TMEM87A: variants seen among roughly 807,000 people sequenced by gnomAD.
The protein encoded by TMEM87A is transmembrane protein 87A.
TMEM87A carries 50 observed loss-of-function variants against 90.0 expected under a neutral mutation model. The observed-to-expected ratio is 0.56, with a 90% CI of 0.44 to 0.70. The LOEUF (loss-of-function observed/expected upper bound fraction) is 0.70. TMEM87A is among the 30% of genes least tolerant of loss of function. The pLI is 0.00. For missense variants in TMEM87A, 577 were observed against 660.5 expected, an observed-to-expected ratio of 0.87 and a Z score of 1.39; for synonymous variants, 226 against 226.7, an observed-to-expected ratio of 1.00 and a Z score of 0.03.
At chr15:42,237,675 G>T in intron 8 of TMEM87A, 60 bp from the exon 9 acceptor site, 9 of 1,274,202 alleles carry the variant, frequency 7.1e-6, no homozygotes, top group Non-Finnish European at 8.4e-6. Context: ...CAAGTCTGTA[G>T]ATTTAGAATC....
intron 4 of TMEM87A, among the ~76,000 whole-genome samples, chr15:42,261,862 C>T (rs1451018603): frequency 2.0e-5 from 3 of 152,132 alleles, no homozygotes; most frequent in Non-Finnish European, 4.4e-5. Context: ...TCTCAATCTC[C>T]TGACCTCATG....
intron 15 of TMEM87A, among the ~76,000 whole-genome samples, chr15:42,221,679 A>T (rs1037029841): frequency 1.3e-5 from 2 of 152,138 alleles, no homozygotes; most frequent in African/African-American, 4.8e-5. Flanking sequence ...AGTCTAGCCT[A>T]GGCAACATAG....
chr15:42,241,560 G>C (rs971150089), intron 7 of TMEM87A, among the ~76,000 whole-genome samples: 1 of 152,140 alleles, frequency 6.6e-6, no homozygotes, highest in Non-Finnish European at 1.5e-5. Context: ...TATAAACCTT[G>C]CTGCAAAATG....
intron 7 of TMEM87A, among the ~76,000 whole-genome samples, chr15:42,243,654 G>A (rs2140951640): frequency 6.6e-6 from 1 of 151,492 alleles, no homozygotes; most frequent in Admixed American, 6.6e-5. Flanking sequence ...CAAGTAGCTG[G>A]GATTACAGGC....
At chr15:42,230,427 C>T (rs1008735821) in intron 12 of TMEM87A, among the ~76,000 whole-genome samples, 1 of 152,182 alleles carries the variant, frequency 6.6e-6, no homozygotes, top group African/African-American at 2.4e-5. Flanking sequence ...TCTATCAGGT[C>T]AGTAATAATG....
intron 6 of TMEM87A, among the ~76,000 whole-genome samples, chr15:42,244,904 A>C (rs2050942998): frequency 6.6e-6 from 1 of 151,458 alleles, no homozygotes; most frequent in Non-Finnish European, 1.5e-5. Context: ...TAAAAGGAGA[A>C]ACGTTTATCC....
At chr15:42,224,978 T>C (rs903074371) in intron 15 of TMEM87A, among the ~76,000 whole-genome samples, 1 of 152,150 alleles carries the variant, frequency 6.6e-6, no homozygotes, top group Non-Finnish European at 1.5e-5. Context: ...ATATAGCTAG[T>C]GAGTAACCAG....
In TMEM87A at chr15:42,269,868, G is replaced by A. The variant is rs1446788005; in HGVS notation, c.206-1836C>T. Among the ~76,000 whole-genome samples the A allele has an allele frequency of 4.3e-4, 60 of 138,988 alleles. 1 individual carries two copies. The highest frequency in any genetic ancestry group is 7.7e-4 in the Non-Finnish European group (49 of 63,594). The allele number at this position is 138,988 out of a possible 152,430, so 91.2% of individuals were successfully genotyped here. A position where few individuals can be genotyped will look rare whatever the true frequency, so the allele number is the denominator to read the frequency against. ...GGAGAATGGCGTGAACCTGGGAAGC[G>A]GAGCTTGCAGTGAGCCGAGATTGCG... On this transcript the variant is annotated intron_variant, in intron 2 of 19. Coordinates refer to ENST00000389834, the MANE Select transcript of TMEM87A (RefSeq NM_015497.5).
rs954159058 is a variant in TMEM87A, at chr15:42,272,035, T to G, written c.205+28A>C. On this transcript the variant is annotated intron_variant, in intron 2 of 19. Transcript: ENST00000389834. ...ACCTATAAATTTTTAAAATTCAAAT[T>G]AAAACTTCATGAAATTCAAAAACTC... The G allele has an allele frequency of 4.7e-5, 73 of 1,562,604 alleles. 2 individuals carry two copies. The highest frequency in any genetic ancestry group is 5.2e-6 in the Non-Finnish European group (6 of 1,156,006).
At chr15:42,268,870 G>C (rs1177450315) in intron 2 of TMEM87A, among the ~76,000 whole-genome samples, 1 of 152,128 alleles carries the variant, frequency 6.6e-6, no homozygotes, top group African/African-American at 2.4e-5. Context: ...GTTAAATGAT[G>C]ATATACATAA....
chr15:42,233,239 T>G lies in TMEM87A; in HGVS notation c.1036A>C (p.Met346Leu). The G allele has an allele frequency of 6.2e-7, 1 of 1,614,014 alleles. No homozygotes were observed. The highest frequency in any genetic ancestry group is 8.5e-7 in the Non-Finnish European group (1 of 1,179,994). ...AGALYLLFSG[M>L]EGVLRVTGAQ... Reference sequence around the variant, plus strand: ...CCAGTAACTCTGAGGACCCCTTCCATGCCAGAGAACAAAAGATAGAGGGCT... The same window carrying G: ...CCAGTAACTCTGAGGACCCCTTCCAGGCCAGAGAACAAAAGATAGAGGGCT... Residue 346 changes from methionine (M) to leucine (L), a missense_variant, in exon 11 of 20, where the codon ATG becomes CTG. Met to Leu is a conservative substitution (Grantham distance 15). Transcript: ENST00000389834.
chr15:42,220,614 G>C (rs571635392), intron 15 of TMEM87A, among the ~76,000 whole-genome samples: 3 of 113,716 alleles, frequency 2.6e-5, no homozygotes, highest in African/African-American at 9.5e-5. Context: ...TAAGAGAAGG[G>C]AGGCCTATTC....
intron 7 of TMEM87A, 80 bp downstream of exon 7, chr15:42,243,970 C>T: frequency 1.2e-6 from 1 of 805,276 alleles, no homozygotes; most frequent in Non-Finnish European, 1.9e-6. Flanking sequence ...CCTGTAATAC[C>T]TAATAAAAAA....
chr15:42,220,196 G>T, intron 15 of TMEM87A, 61 bp from the exon 16 acceptor site: 2 of 1,274,058 alleles, frequency 1.6e-6, no homozygotes, highest in Non-Finnish European at 2.2e-6. Context: ...TGCTATACCA[G>T]TTGCATTTTA....
chr15:42,261,335 A>C, intron 4 of TMEM87A, 86 bp from the exon 5 acceptor site: 1 of 1,026,782 alleles, frequency 9.7e-7, no homozygotes, highest in Non-Finnish European at 1.4e-6. Context: ...AATGGTTAGA[A>C]CAAAACACCA....
At chr15:42,233,120 G>A in intron 11 of TMEM87A, 93 bp downstream of exon 11, 1 of 1,074,096 alleles carries the variant, frequency 9.3e-7, no homozygotes, top group Non-Finnish European at 1.4e-6. Context: ...AAAGCAAACA[G>A]AAAGAAGCCC....
At chr15:42,234,407 G>T (rs1458818603) in intron 10 of TMEM87A, among the ~76,000 whole-genome samples, 1 of 152,042 alleles carries the variant, frequency 6.6e-6, no homozygotes, top group Non-Finnish European at 1.5e-5. Flanking sequence ...TATATTTTTT[G>T]TTATACATTG....
Position 42,260,609 on chromosome 15 carries a change from T to C in TMEM87A, c.504+349A>G, listed in dbSNP as rs138593272. On this transcript the variant is annotated intron_variant, in intron 6 of 19. Transcript: ENST00000389834. ...GGCATATTTATAGCTTTAGACCTTA[T>C]TTCAATTTTTCCAAACTCTCTTTCA... 6.3e-3 allele frequency among the ~76,000 whole-genome samples: 964 copies of C among 152,344 alleles called. 9 individuals carry two copies. The highest frequency in any genetic ancestry group is 0.022 in the African/African-American group (935 of 41,574).
At chr15:42,250,997 A>G (rs1032971004) in intron 6 of TMEM87A, among the ~76,000 whole-genome samples, 21 of 152,002 alleles carry the variant, frequency 1.4e-4, no homozygotes, top group African/African-American at 5.1e-4. Flanking sequence ...TTTGATTTTC[A>G]ATCACTGATA....
Sources: allele counts gnomAD v4.1 joint callset (sites outside exome capture counted in the v4.1 genomes callset), GRCh38; gene constraint gnomAD v4.1.1; transcripts MANE v1.5; gene names NCBI Gene and HGNC (gene_info 2026-07-23, HGNC 2026-07-21).